Variants in DCC observed in about 807,000 individuals in gnomAD.
The protein encoded by DCC is DCC netrin 1 receptor.
In DCC, 58 loss-of-function variants were observed where a neutral mutation model predicts 172.5. That is an observed-to-expected ratio of 0.34 (90% confidence interval 0.27 to 0.42). The LOEUF is 0.42. Among genes scored for constraint, DCC ranks in the 10% least tolerant of loss-of-function variants. The pLI, the probability that DCC is intolerant of heterozygous loss-of-function variation, is 1.00. For missense variants in DCC, 1,740 were observed against 1,791.0 expected (o/e 0.97, Z 0.51); for synonymous variants, 709 against 644.5 (o/e 1.10, Z -1.52).
At chr18:52,929,817 AACACACACAC>A (rs34457182) in intron 5 of DCC, among the ~76,000 whole-genome samples, 12,023 of 144,772 alleles carry the variant, frequency 0.083, 541 homozygotes, top group South Asian at 0.14. Context: ...GGACTTTGCA[AACACACACAC>A]ACACACACAC....
intron 8 of DCC, among the ~76,000 whole-genome samples, chr18:53,172,894 C>G (rs769451047): frequency 1.3e-5 from 2 of 152,078 alleles, no homozygotes; most frequent in Non-Finnish European, 2.9e-5. Context: ...GTGATACCCA[C>G]TAACTGTGAA....
At chr18:53,431,656 C>T (rs761005243) in intron 21 of DCC, among the ~76,000 whole-genome samples, 2 of 151,890 alleles carry the variant, frequency 1.3e-5, no homozygotes, top group Non-Finnish European at 1.5e-5. Context: ...TGCTAATTTT[C>T]GTATTTTTAG....
chr18:52,829,153 A>G (rs1160897541), intron 2 of DCC, among the ~76,000 whole-genome samples: 1 of 152,200 alleles, frequency 6.6e-6, no homozygotes, highest in African/African-American at 2.4e-5. Context: ...AAATACAGAA[A>G]TGAAAACCTC....
intron 5 of DCC, among the ~76,000 whole-genome samples, chr18:53,016,175 G>C (rs2041805443): frequency 6.6e-6 from 1 of 152,072 alleles, no homozygotes; most frequent in African/African-American, 2.4e-5. Context: ...GGAAGTGGGT[G>C]AAAGCTTGAG....
chr18:53,428,415 A>C (rs1451515682), intron 21 of DCC, among the ~76,000 whole-genome samples: 1 of 45,596 alleles, frequency 2.2e-5, no homozygotes, highest in African/African-American at 6.3e-5. Flanking sequence ...TATTACATAT[A>C]TAATATAATA....
chr18:53,400,170 CA>C (rs968902907), intron 18 of DCC, among the ~76,000 whole-genome samples: 2 of 151,998 alleles, frequency 1.3e-5, no homozygotes, highest in African/African-American at 4.8e-5. Context: ...AAACAAAGTA[CA>C]GATTCTGTCT....
chr18:53,424,291 A>G (rs1910785409), intron 21 of DCC, among the ~76,000 whole-genome samples: 1 of 152,204 alleles, frequency 6.6e-6, no homozygotes, highest in Admixed American at 6.5e-5. Context: ...TGTGGCTATG[A>G]AGTATGAAAA....
chr18:52,866,850 TCCTATTTGAATAC>T (rs1344349406), intron 2 of DCC, among the ~76,000 whole-genome samples: 1 of 152,218 alleles, frequency 6.6e-6, no homozygotes, highest in Non-Finnish European at 1.5e-5. Context: ...CTTCCTTTCT[TCCTATTTGAATAC>T]CCTTTATTTT....
At chr18:52,365,351 A>T (rs1984799207) in intron 1 of DCC, among the ~76,000 whole-genome samples, 1 of 152,248 alleles carries the variant, frequency 6.6e-6, no homozygotes, top group Non-Finnish European at 1.5e-5. Context: ...AACAGACAAG[A>T]TCCTTGAAAA....
chr18:53,478,365 TG>T (rs1315091365), intron 25 of DCC, among the ~76,000 whole-genome samples: 28 of 152,198 alleles, frequency 1.8e-4, no homozygotes, highest in Non-Finnish European at 2.2e-4. Context: ...CACAATCGGA[TG>T]TAACTATTTG....
At chr18:53,184,779 G>A (rs144815981) in intron 9 of DCC, among the ~76,000 whole-genome samples, 45 of 152,200 alleles carry the variant, frequency 3.0e-4, no homozygotes, top group Non-Finnish European at 4.4e-4. Context: ...GTGACACTTG[G>A]CTGTCATTGG....
chr18:53,028,943 T>C (rs2041992075), intron 5 of DCC, among the ~76,000 whole-genome samples: 1 of 152,204 alleles, frequency 6.6e-6, no homozygotes, highest in Non-Finnish European at 1.5e-5. Context: ...GTTTTTTCTT[T>C]TTCCATTTGA....
chr18:53,334,281 A>G (rs2057566613), intron 14 of DCC, among the ~76,000 whole-genome samples: 1 of 152,138 alleles, frequency 6.6e-6, no homozygotes, highest in African/African-American at 2.4e-5. Flanking sequence ...GCCAGTCAAG[A>G]CCATTTAAGA....
chr18:52,958,502 G>A (rs1282133975), intron 5 of DCC, among the ~76,000 whole-genome samples: 1 of 152,028 alleles, frequency 6.6e-6, no homozygotes, highest in African/African-American at 2.4e-5. Flanking sequence ...TTTCAAGGGT[G>A]GTTAAGACAC....
intron 8 of DCC, among the ~76,000 whole-genome samples, chr18:53,168,499 A>G (rs971376443): frequency 7.0e-6 from 1 of 142,132 alleles, no homozygotes; most frequent in African/African-American, 2.6e-5. Flanking sequence ...CTTACTTACA[A>G]CTGGGAGTTG....
chr18:53,210,797 T>G (rs1441490587), intron 11 of DCC, among the ~76,000 whole-genome samples: 1 of 152,184 alleles, frequency 6.6e-6, no homozygotes. Context: ...TTCATTACTT[T>G]ATGTTTTTTT....
chr18:52,586,579 A>G (rs2033679224), intron 1 of DCC, among the ~76,000 whole-genome samples: 1 of 152,154 alleles, frequency 6.6e-6, no homozygotes, highest in South Asian at 2.1e-4. Context: ...TCTGGAACTA[A>G]GATCTCTAGG....
intron 12 of DCC, among the ~76,000 whole-genome samples, chr18:53,253,971 T>C (rs2056473833): frequency 6.6e-6 from 1 of 152,020 alleles, no homozygotes. Flanking sequence ...GTCTAAACAA[T>C]GCCTGATTAA....
intron 1 of DCC, among the ~76,000 whole-genome samples, chr18:52,750,112 A>G (rs2036971785): frequency 6.6e-6 from 1 of 152,222 alleles, no homozygotes; most frequent in Non-Finnish European, 1.5e-5. Flanking sequence ...AGCTTAGAGC[A>G]GGGTTCATTT....
Sources: allele counts gnomAD v4.1 joint callset (sites outside exome capture counted in the v4.1 genomes callset), GRCh38; gene constraint gnomAD v4.1.1; transcripts MANE v1.5; gene names NCBI Gene and HGNC (gene_info 2026-07-23, HGNC 2026-07-21).